The following XPR1 variants were observed in gnomAD, a reference collection of about 807,000 sequenced individuals.
The protein encoded by XPR1 is solute carrier family 53 member 1.
In XPR1, 28 loss-of-function variants were observed where a neutral mutation model predicts 87.5. The ratio of observed to expected loss-of-function variants is 0.32; its 90% confidence interval spans 0.24 to 0.44. The LOEUF is 0.44. XPR1 is among the 20% of genes least tolerant of loss of function. The pLI is 1.00. For synonymous variants in XPR1, 300 were observed against 306.1 expected (o/e 0.98, Z 0.21); for missense variants, 559 against 862.3 (o/e 0.65, Z 4.41).
Position 180,705,696 on chromosome 1 carries a change from C to T in XPR1, c.121+23285C>T, listed in dbSNP as rs1657534220. Among the ~76,000 whole-genome samples the T allele has an allele frequency of 5.9e-5, 9 of 152,190 alleles. No individual in the cohort carries two copies. In the South Asian group the frequency reaches 1.7e-3, roughly 28 times the overall value. On this transcript the variant is annotated intron_variant, in intron 2 of 14. Coordinates refer to ENST00000367590, the MANE Select transcript of XPR1 (RefSeq NM_004736.4). ...CTAACATGTTAGCAAAACAATATGT[C>T]GTCTTTCTATAAGACTATAATTTCC...
chr1:180,860,376 CAT>C (rs1355449780), intron 11 of XPR1, among the ~76,000 whole-genome samples: 3 of 152,072 alleles, frequency 2.0e-5, no homozygotes, highest in South Asian at 2.1e-4. Flanking sequence ...GAAATGAAAA[CAT>C]ATTACATAAA....
At chr1:180,682,829 TGTGC>T (rs1656623159) in intron 2 of XPR1, among the ~76,000 whole-genome samples, 1 of 151,802 alleles carries the variant, frequency 6.6e-6, no homozygotes, top group African/African-American at 2.4e-5. Flanking sequence ...TGTGTGTGTG[TGTGC>T]GTGTGTGTGT....
intron 1 of XPR1, among the ~76,000 whole-genome samples, chr1:180,641,440 T>C (rs1333342823): frequency 6.6e-6 from 1 of 152,210 alleles, no homozygotes; most frequent in Non-Finnish European, 1.5e-5. Flanking sequence ...TTTTTGCTAA[T>C]ATTTTTCTTA....
At chr1:180,706,514 T>A (rs1657561800) in intron 2 of XPR1, among the ~76,000 whole-genome samples, 1 of 152,228 alleles carries the variant, frequency 6.6e-6, no homozygotes, top group African/African-American at 2.4e-5. Context: ...AAATACTGTC[T>A]TTTTCATGTG....
chr1:180,793,081 A>G (rs1263428052), intron 3 of XPR1, among the ~76,000 whole-genome samples: 1 of 152,004 alleles, frequency 6.6e-6, no homozygotes, highest in Non-Finnish European at 1.5e-5. Flanking sequence ...GCAGTGTTAC[A>G]TCCTTTTTCT....
intron 2 of XPR1, among the ~76,000 whole-genome samples, chr1:180,717,830 A>C (rs1445424234): frequency 1.3e-5 from 2 of 152,174 alleles, no homozygotes; most frequent in Non-Finnish European, 2.9e-5. Context: ...CACCCCAGGA[A>C]ACATTTTCTA....
intron 2 of XPR1, among the ~76,000 whole-genome samples, chr1:180,780,490 T>A (rs1648891453): frequency 6.6e-6 from 1 of 152,228 alleles, no homozygotes; most frequent in Non-Finnish European, 1.5e-5. Flanking sequence ...TTTGTCCATT[T>A]TTAAAAATTT....
At chr1:180,732,406 T>C (rs1469629738) in intron 2 of XPR1, among the ~76,000 whole-genome samples, 3 of 152,226 alleles carry the variant, frequency 2.0e-5, no homozygotes, top group Non-Finnish European at 4.4e-5. Context: ...ATTACTGTTT[T>C]GTATTAGATA....
intron 1 of XPR1, among the ~76,000 whole-genome samples, chr1:180,678,585 T>G (rs1012284703): frequency 1.3e-5 from 2 of 152,256 alleles, no homozygotes; most frequent in Non-Finnish European, 2.9e-5. Flanking sequence ...TATGTGACAT[T>G]AAAAATTTTT....
intron 2 of XPR1, among the ~76,000 whole-genome samples, chr1:180,706,893 C>T (rs1436522904): frequency 6.6e-6 from 1 of 152,138 alleles, no homozygotes; most frequent in Non-Finnish European, 1.5e-5. Flanking sequence ...GTTGGGATTA[C>T]AGGCGTGAAC....
intron 2 of XPR1, among the ~76,000 whole-genome samples, chr1:180,787,324 C>T (rs1266391704): frequency 2.7e-5 from 4 of 149,162 alleles, no homozygotes; most frequent in South Asian, 2.1e-4. Flanking sequence ...TTTTTTGAAA[C>T]GGGGTCTTGC....
chr1:180,722,739 C>G (rs1442369927), intron 2 of XPR1, among the ~76,000 whole-genome samples: 1 of 152,134 alleles, frequency 6.6e-6, no homozygotes, highest in Non-Finnish European at 1.5e-5. Context: ...ATACAGTTGT[C>G]TCTCTTGCTT....
Position 180,767,908 on chromosome 1 carries a change from A to C in XPR1, c.122-19845A>C, listed in dbSNP as rs545759203. ...TGCCCAGGCTGGAGTGCAGTGGCGC[A>C]ATCTCGGCTCACTGCAAGCTCCACC... On this transcript the variant is annotated intron_variant, in intron 2 of 14. Coordinates refer to ENST00000367590, the MANE Select transcript of XPR1 (RefSeq NM_004736.4). Among the ~76,000 whole-genome samples, 7 of 151,734 alleles carry C rather than the reference A, an allele frequency of 4.6e-5. No individual in the cohort carries two copies. The South Asian group carries it at 1.5e-3, about 32-fold the overall frequency.
intron 2 of XPR1, among the ~76,000 whole-genome samples, chr1:180,711,451 A>G (rs1480706882): frequency 6.6e-6 from 1 of 152,190 alleles, no homozygotes; most frequent in Non-Finnish European, 1.5e-5. Flanking sequence ...GTCTCCACCA[A>G]AAAAATACGA....
chr1:180,740,348 A>G (rs769640548), intron 2 of XPR1, among the ~76,000 whole-genome samples: 5 of 151,328 alleles, frequency 3.3e-5, no homozygotes, highest in Non-Finnish European at 5.9e-5. Context: ...TCCTATTTCT[A>G]GTTTGCTGAG....
intron 2 of XPR1, among the ~76,000 whole-genome samples, chr1:180,697,990 A>G (rs1021642063): frequency 7.2e-5 from 11 of 151,998 alleles, no homozygotes; most frequent in African/African-American, 2.7e-4. Flanking sequence ...TAAGATGTTT[A>G]TTTGTTTATT....
At chr1:180,767,289 A>G (rs1169684962) in intron 2 of XPR1, among the ~76,000 whole-genome samples, 3 of 152,242 alleles carry the variant, frequency 2.0e-5, no homozygotes, top group Non-Finnish European at 2.9e-5. Flanking sequence ...TAAAACCATT[A>G]TAGTAGGAAG....
At chr1:180,750,413 G>A (rs1413353400) in intron 2 of XPR1, among the ~76,000 whole-genome samples, 1 of 152,062 alleles carries the variant, frequency 6.6e-6, no homozygotes, top group Non-Finnish European at 1.5e-5. Context: ...GCCTTTACAC[G>A]TTTTTGGTCC....
chr1:180,643,961 A>G (rs569173636), intron 1 of XPR1, among the ~76,000 whole-genome samples: 124 of 152,260 alleles, frequency 8.1e-4, no homozygotes, highest in African/African-American at 2.8e-3. Flanking sequence ...GGTGTGGCCC[A>G]GGTTCTCATC....
Sources: allele counts gnomAD v4.1 joint callset (sites outside exome capture counted in the v4.1 genomes callset), GRCh38; gene constraint gnomAD v4.1.1; transcripts MANE v1.5; gene names NCBI Gene and HGNC (gene_info 2026-07-23, HGNC 2026-07-21).